Variants in TBC1D8B observed in about 807,000 individuals in gnomAD.
The protein encoded by TBC1D8B is RP11-321G1.1.
TBC1D8B carries 75 observed loss-of-function variants against 82.9 expected under a neutral mutation model. The observed-to-expected ratio is 0.90, with a 90% CI of 0.75 to 1.10. The LOEUF is 1.10. Among genes scored for constraint, TBC1D8B ranks in the 50% least tolerant of loss-of-function variants. The pLI is 0.00. For synonymous variants in TBC1D8B, 276 were observed against 276.8 expected, an observed-to-expected ratio of 1.00 and a Z score of 0.03; for missense variants, 794 against 796.9, an observed-to-expected ratio of 1.00 and a Z score of 0.04.
At chrX:106,832,085 T>C (rs2147743819) in intron 7 of TBC1D8B, among the ~76,000 whole-genome samples, 1 of 111,566 alleles carries the variant, frequency 9.0e-6, no homozygotes, top group South Asian at 3.7e-4. Flanking sequence ...TTGCATTCTA[T>C]AATTTTAATA....
At chrX:106,858,558 C>T (rs1368033374) in intron 14 of TBC1D8B, among the ~76,000 whole-genome samples, 1 of 112,429 alleles carries the variant, frequency 8.9e-6, no homozygotes, top group Non-Finnish European at 1.9e-5. Flanking sequence ...AGGCATGAGC[C>T]ACCACACCTG....
At position 106,823,289 on chromosome X, in the gene TBC1D8B, CAG is replaced by C. The variant is rs759889636; in HGVS notation, c.655_656del (p.Ser219TyrfsTer19). The C allele has an allele frequency of 5.0e-5, 61 of 1,207,979 alleles. No homozygotes were observed. Among genetic ancestry groups the C allele is most frequent in the Non-Finnish European group, 6.3e-5 (56 of 893,852 alleles). On this transcript the variant is annotated frameshift_variant, in exon 5 of 21. Transcript: ENST00000357242. LOFTEE classifies it high-confidence loss of function. ...GAAAAGACTTCAAATGTCATACTGA[CAG>C]AGAGTATTCACGTGTGTTCCCAAGG...
intron 7 of TBC1D8B, among the ~76,000 whole-genome samples, chrX:106,832,015 T>C (rs1180033865): frequency 9.0e-6 from 1 of 111,441 alleles, no homozygotes; most frequent in Admixed American, 9.6e-5. Flanking sequence ...GATTTCTAAG[T>C]AACAGAAATT....
At chrX:106,848,025 G>C (rs1017573981) in intron 10 of TBC1D8B, among the ~76,000 whole-genome samples, 161 bp from the exon 11 acceptor site, 1 of 111,672 alleles carries the variant, frequency 9.0e-6, no homozygotes, top group African/African-American at 3.3e-5. Flanking sequence ...ACTTCACCTT[G>C]TTTTGCCTTG....
chrX:106,825,917 T>C, intron 5 of TBC1D8B, 113 bp from the exon 6 acceptor site: 1 of 508,966 alleles, frequency 2.0e-6, no homozygotes, highest in Non-Finnish European at 3.0e-6. Flanking sequence ...GCATTTTTAG[T>C]GTTTAATCTG....
At chrX:106,857,336 A>G (rs1283451110) in intron 14 of TBC1D8B, among the ~76,000 whole-genome samples, 3 of 110,567 alleles carry the variant, frequency 2.7e-5, no homozygotes, top group Non-Finnish European at 5.7e-5. Flanking sequence ...TATTTTTAGT[A>G]GAGATGGGAT....
rs879131742 is a variant in TBC1D8B, at chrX:106,823,540, A to G, written c.827+74A>G. ...AATGAAGATAGTATTGCTTACCATT[A>G]AAAGTTAACTCTTCTATATTATATG... On this transcript the variant is annotated intron_variant, in intron 5 of 20. Coordinates refer to ENST00000357242, the MANE Select transcript of TBC1D8B (RefSeq NM_017752.3). The G allele has an allele frequency of 1.6e-4, 173 of 1,078,489 alleles. No homozygotes were observed. In the South Asian group the frequency reaches 3.6e-3, roughly 22 times the overall value. 88.9% of individuals were successfully genotyped at this position (1,078,489 alleles called of 1,213,427 possible).
At chrX:106,845,808 C>T (rs775817376) in intron 10 of TBC1D8B, among the ~76,000 whole-genome samples, 2 of 111,189 alleles carry the variant, frequency 1.8e-5, no homozygotes, top group South Asian at 7.8e-4. Context: ...CTGCTATCCA[C>T]TGCCTTGGAT....
chrX:106,844,206 C>G (rs1932379235), intron 10 of TBC1D8B, among the ~76,000 whole-genome samples: 1 of 108,875 alleles, frequency 9.2e-6, no homozygotes, highest in South Asian at 3.9e-4. Flanking sequence ...TTCCCTTATT[C>G]TTGCCTAGTT....
intron 1 of TBC1D8B, among the ~76,000 whole-genome samples, chrX:106,816,085 A>G (rs889920523): frequency 1.8e-5 from 2 of 111,299 alleles, no homozygotes; most frequent in East Asian, 2.8e-4. Context: ...AGAAGGAAAT[A>G]AAGGGTATTC....
intron 13 of TBC1D8B, 105 bp downstream of exon 13, chrX:106,853,755 A>G: frequency 3.6e-6 from 3 of 841,886 alleles, no homozygotes; most frequent in African/African-American, 2.0e-5. Context: ...ATGCAAGTAG[A>G]CATACAACTT....
chrX:106,810,231 A>G (rs954263720), intron 1 of TBC1D8B, among the ~76,000 whole-genome samples: 26 of 111,898 alleles, frequency 2.3e-4, no homozygotes, highest in African/African-American at 7.8e-4. Context: ...GGTGTTTTCA[A>G]ATTAAATCAT....
At chrX:106,830,609 G>A (rs185626545) in intron 7 of TBC1D8B, among the ~76,000 whole-genome samples, 1 of 110,646 alleles carries the variant, frequency 9.0e-6, no homozygotes, top group Non-Finnish European at 1.9e-5. Flanking sequence ...GGAATACTAT[G>A]CAGCCTTAAA....
chrX:106,853,445 G>T, intron 12 of TBC1D8B, 76 bp from the exon 13 acceptor site: 1 of 1,044,229 alleles, frequency 9.6e-7, no homozygotes, highest in Non-Finnish European at 1.3e-6. Flanking sequence ...ACTAACTAGG[G>T]AGAAATTATG....
intron 2 of TBC1D8B, among the ~76,000 whole-genome samples, chrX:106,819,038 C>T (rs973609557): frequency 1.9e-5 from 2 of 107,859 alleles, no homozygotes; most frequent in Non-Finnish European, 3.9e-5. Flanking sequence ...AGTGTTACTG[C>T]TATATAACTC....
chrX:106,873,556 C>A lies in TBC1D8B; in HGVS notation c.2968-14C>A. On this transcript the variant is annotated splice_polypyrimidine_tract_variant and intron_variant, in intron 20 of 20. Coordinates refer to ENST00000357242, the MANE Select transcript of TBC1D8B (RefSeq NM_017752.3). Reference sequence around the variant, plus strand: ...TAATATTCAAACGTGATATTTTCAACTTGTGTCTTCTAGTCTCAGTTTATT... The same window carrying A: ...TAATATTCAAACGTGATATTTTCAAATTGTGTCTTCTAGTCTCAGTTTATT... 1.7e-6 allele frequency: 2 copies of A among 1,175,098 alleles called. No homozygotes were observed. Among genetic ancestry groups the A allele is most frequent in the Non-Finnish European group, 2.3e-6 (2 of 880,233 alleles).
chrX:106,852,999 A>G (rs1252240937), intron 12 of TBC1D8B, among the ~76,000 whole-genome samples: 2 of 110,840 alleles, frequency 1.8e-5, no homozygotes, highest in African/African-American at 6.5e-5. Flanking sequence ...CATTGAATCT[A>G]TAAATTACCT....
rs1481131519 is a variant in TBC1D8B at position 106,876,037 on chromosome X, C to T, written c.*2072C>T. On this transcript the variant is annotated 3_prime_UTR_variant, in exon 21 of 21. Coordinates refer to ENST00000357242, the MANE Select transcript of TBC1D8B (RefSeq NM_017752.3). Reference sequence around the variant, plus strand: ...GTTGTTCATAATATTAAAAATCTTACGTAGTTGTGTTAAACTGAACCAGTT... The same window carrying T: ...GTTGTTCATAATATTAAAAATCTTATGTAGTTGTGTTAAACTGAACCAGTT... The T allele has an allele frequency of 2.7e-5, 3 of 111,308 alleles. No individual in the cohort carries two copies. The highest frequency in any genetic ancestry group is 6.5e-5 in the African/African-American group (2 of 30,641). 9.2% of individuals were successfully genotyped at this position (111,308 alleles called of 1,213,427 possible).
chrX:106,856,528 A>G (rs1932701765), intron 14 of TBC1D8B, among the ~76,000 whole-genome samples: 1 of 110,835 alleles, frequency 9.0e-6, no homozygotes, highest in Non-Finnish European at 1.9e-5. Context: ...ATTATGTAAT[A>G]TTATGTTTTT....
Sources: allele counts gnomAD v4.1 joint callset (sites outside exome capture counted in the v4.1 genomes callset), GRCh38; gene constraint gnomAD v4.1.1; transcripts MANE v1.5; gene names NCBI Gene and HGNC (gene_info 2026-07-23, HGNC 2026-07-21).